CDH13: variants seen among roughly 807,000 people sequenced by gnomAD.
CDH13 encodes cadherin 13.
In CDH13, 24 loss-of-function variants were observed where a neutral mutation model predicts 63.8. The observed-to-expected ratio is 0.38, with a 90% CI of 0.27 to 0.53. The LOEUF (loss-of-function observed/expected upper bound fraction) is 0.53, where lower values mean the gene tolerates loss of function less well. Ranked by LOEUF, CDH13 falls within the 20% of genes least tolerant of loss-of-function variation. The pLI is 0.85. For missense variants in CDH13, 1,049 were observed against 903.1 expected (o/e 1.16, Z -2.07); for synonymous variants, 503 against 355.3 (o/e 1.42, Z -4.67).
In CDH13 at chr16:82,971,838, G is replaced by A. The variant is rs1183202828; in HGVS notation, c.158-60172G>A. Reference sequence around the variant, plus strand: ...CTTTTCCTGATCCTATTTGAGGGGGGAAGTATCTTTTGAATCCCAGACTTG... The same window carrying A: ...CTTTTCCTGATCCTATTTGAGGGGGAAAGTATCTTTTGAATCCCAGACTTG... On this transcript the variant is annotated intron_variant, in intron 2 of 13. Coordinates refer to ENST00000567109, the MANE Select transcript of CDH13 (RefSeq NM_001257.5). Among the ~76,000 whole-genome samples, 5 of 152,174 alleles carry A rather than the reference G, an allele frequency of 3.3e-5. No individual in the cohort carries two copies. The East Asian group carries it at 5.8e-4, about 18-fold the overall frequency.
intron 7 of CDH13, among the ~76,000 whole-genome samples, chr16:83,570,844 A>ATATATAAATATAAATATATTTATATTTT (rs1567773560): frequency 4.1e-5 from 3 of 73,836 alleles, no homozygotes; most frequent in Non-Finnish European, 1.1e-4. Flanking sequence ...TTATATTTTT[A>ATATATAAATATAAATATATTTATATTTT]TATATATAAA....
At chr16:83,554,650 C>G (rs1240913999) in intron 7 of CDH13, among the ~76,000 whole-genome samples, 1 of 152,026 alleles carries the variant, frequency 6.6e-6, no homozygotes, top group Non-Finnish European at 1.5e-5. Context: ...AAACCACAAC[C>G]TTGCACAAAG....
chr16:82,753,581 C>G (rs1180558703), intron 1 of CDH13, among the ~76,000 whole-genome samples: 2 of 151,506 alleles, frequency 1.3e-5, no homozygotes, highest in Admixed American at 6.6e-5. Context: ...AATTCTCCAT[C>G]AAAAAAAAAT....
intron 4 of CDH13, among the ~76,000 whole-genome samples, chr16:83,172,946 G>T (rs34961029): frequency 0.24 from 36,606 of 151,904 alleles, 4,715 homozygotes; most frequent in Non-Finnish European, 0.26. Flanking sequence ...GCTGAACCAA[G>T]CCAACACTCT....
chr16:83,714,245 G>T (rs254326), intron 10 of CDH13, among the ~76,000 whole-genome samples: 6 of 152,068 alleles, frequency 3.9e-5, no homozygotes, highest in African/African-American at 1.2e-4. Context: ...AGAGGATCAC[G>T]TTGCTTTAGT....
chr16:82,999,124 C>G (rs1912579229), intron 2 of CDH13, among the ~76,000 whole-genome samples: 1 of 152,114 alleles, frequency 6.6e-6, no homozygotes, highest in Non-Finnish European at 1.5e-5. Context: ...TCTTGTTTTT[C>G]ATTATGTTAC....
intron 1 of CDH13, among the ~76,000 whole-genome samples, chr16:82,674,184 C>T (rs1913625076): frequency 6.6e-6 from 1 of 152,138 alleles, no homozygotes. Context: ...TTCAATAAAT[C>T]TTCACCCCTT....
At chr16:83,362,957 T>C (rs2091190566) in intron 6 of CDH13, among the ~76,000 whole-genome samples, 2 of 152,184 alleles carry the variant, frequency 1.3e-5, no homozygotes, top group South Asian at 4.1e-4. Context: ...GTCATCCCTG[T>C]CCATGGGGTT....
intron 5 of CDH13, among the ~76,000 whole-genome samples, chr16:83,306,114 T>G (rs925099696): frequency 6.6e-6 from 1 of 152,162 alleles, no homozygotes; most frequent in Admixed American, 6.5e-5. Context: ...CAAAAATGTC[T>G]CCCGACATTG....
intron 3 of CDH13, among the ~76,000 whole-genome samples, chr16:83,040,281 A>G (rs910490325): frequency 6.6e-6 from 1 of 151,834 alleles, no homozygotes; most frequent in African/African-American, 2.4e-5. Flanking sequence ...AACTAATGTG[A>G]TAGATGAATA....
At chr16:83,018,308 A>C (rs1388603668) in intron 2 of CDH13, among the ~76,000 whole-genome samples, 1 of 152,210 alleles carries the variant, frequency 6.6e-6, no homozygotes, top group African/African-American at 2.4e-5. Flanking sequence ...AGTATCATGA[A>C]AATAGATGCT....
chr16:83,058,591 C>A (rs1052744551), intron 3 of CDH13, among the ~76,000 whole-genome samples: 1 of 152,206 alleles, frequency 6.6e-6, no homozygotes, highest in Admixed American at 6.5e-5. Flanking sequence ...CCAATCTCCA[C>A]TCCTGAGCTC....
chr16:82,695,263 C>G (rs1034507155), intron 1 of CDH13, among the ~76,000 whole-genome samples: 2 of 152,144 alleles, frequency 1.3e-5, no homozygotes, highest in Non-Finnish European at 1.5e-5. Context: ...CAAAGTCTCC[C>G]TCTGTGTGGT....
At chr16:82,958,516 C>G (rs1251456055) in intron 2 of CDH13, among the ~76,000 whole-genome samples, 1 of 152,096 alleles carries the variant, frequency 6.6e-6, no homozygotes, top group African/African-American at 2.4e-5. Flanking sequence ...GAATGGTTCA[C>G]CAAGATGGAA....
intron 10 of CDH13, among the ~76,000 whole-genome samples, chr16:83,711,770 C>A (rs1021933597): frequency 1.3e-5 from 2 of 152,210 alleles, no homozygotes; most frequent in Non-Finnish European, 1.5e-5. Context: ...ACCGCCTTGG[C>A]CTCCCAAAGC....
At chr16:83,402,337 A>G (rs17213405) in intron 6 of CDH13, among the ~76,000 whole-genome samples, 21,994 of 152,154 alleles carry the variant, frequency 0.14, 1,760 homozygotes, top group Middle Eastern at 0.28. Context: ...AGATTATAGA[A>G]CAGGACACAG....
chr16:83,252,243 C>T (rs1306766349), intron 5 of CDH13, among the ~76,000 whole-genome samples: 1 of 145,290 alleles, frequency 6.9e-6, no homozygotes, highest in African/African-American at 2.5e-5. Flanking sequence ...TTTAGATTCT[C>T]TTGATGTGTT....
intron 8 of CDH13, among the ~76,000 whole-genome samples, chr16:83,619,419 C>T (rs1909599188): frequency 6.6e-6 from 1 of 152,216 alleles, no homozygotes; most frequent in Non-Finnish European, 1.5e-5. Context: ...TATTCATTTC[C>T]TGGGCTGCCA....
rs939721182 is a variant in CDH13, at chr16:83,106,287, C to A, written c.367-19098C>A. On this transcript the variant is annotated intron_variant, in intron 3 of 13. Coordinates refer to ENST00000567109, the MANE Select transcript of CDH13 (RefSeq NM_001257.5). The stretch of plus-strand genomic sequence containing the variant: ...AGGCACCATGGCTCATGCCTGTAAT[C>A]CCAGCACTTTGGGAGGCCAAGGCAA... Among the ~76,000 whole-genome samples the A allele has an allele frequency of 3.9e-5, 6 of 152,184 alleles. No individual in the cohort carries two copies. In the East Asian group the frequency reaches 5.8e-4, roughly 15 times the overall value.
Sources: gnomAD v4.1 joint callset for allele counts (sites outside exome capture counted in the v4.1 genomes callset) on GRCh38, gnomAD v4.1.1 for gene constraint, MANE v1.5 for transcripts, NCBI Gene and HGNC (gene_info 2026-07-23, HGNC 2026-07-21) for gene names.